The following CSMD1 variants were observed in gnomAD, a reference collection of about 807,000 sequenced individuals.
CSMD1 encodes the protein CUB and Sushi multiple domains 1, also known as CUB and sushi domain-containing protein 1.
CSMD1 carries 213 observed loss-of-function variants against 417.5 expected under a neutral mutation model. The observed-to-expected ratio is 0.51, with a 90% CI of 0.46 to 0.57. The LOEUF is 0.57. CSMD1 is among the 20% of genes least tolerant of loss of function. CSMD1 has a pLI of 0.00. For synonymous variants in CSMD1, 2,862 were observed against 1,736.8 expected, an observed-to-expected ratio of 1.65 and a Z score of -16.11; for missense variants, 6,923 against 4,529.7, an observed-to-expected ratio of 1.53 and a Z score of -15.17.
At chr8:4,374,447 T>C (rs1036961871) in intron 3 of CSMD1, among the ~76,000 whole-genome samples, 8 of 152,142 alleles carry the variant, frequency 5.3e-5, no homozygotes, top group African/African-American at 1.4e-4. Context: ...AATGGAACTT[T>C]ATCTGTCCTA....
intron 2 of CSMD1, among the ~76,000 whole-genome samples, chr8:4,506,832 T>C (rs1802550739): frequency 6.6e-6 from 1 of 152,242 alleles, no homozygotes; most frequent in Admixed American, 6.5e-5. Context: ...TAAATTAGGA[T>C]AGAAATCCAT....
intron 5 of CSMD1, among the ~76,000 whole-genome samples, chr8:3,870,776 A>G (rs2129112250): frequency 6.6e-6 from 1 of 152,262 alleles, no homozygotes; most frequent in African/African-American, 2.4e-5. Flanking sequence ...TATTAATTAG[A>G]GCTACTCAGG....
intron 1 of CSMD1, among the ~76,000 whole-genome samples, chr8:4,713,852 G>A (rs1563200576): frequency 6.6e-6 from 1 of 152,252 alleles, no homozygotes; most frequent in Non-Finnish European, 1.5e-5. Context: ...CCTATCTTTT[G>A]AAGATGGGCA....
intron 54 of CSMD1, 73 bp from the exon 55 acceptor site, chr8:2,978,873 G>C: frequency 7.7e-7 from 1 of 1,294,602 alleles, no homozygotes; most frequent in South Asian, 1.7e-5. Context: ...AGAAATGAAG[G>C]CGAATTCCTC....
chr8:4,990,257 A>G (rs1223188055), intron 1 of CSMD1, among the ~76,000 whole-genome samples: 1 of 152,244 alleles, frequency 6.6e-6, no homozygotes, highest in Non-Finnish European at 1.5e-5. Flanking sequence ...TCCGCTGAAC[A>G]GTTCTGATTT....
chr8:4,595,294 G>C (rs955818861), intron 2 of CSMD1, among the ~76,000 whole-genome samples: 9 of 151,650 alleles, frequency 5.9e-5, no homozygotes, highest in African/African-American at 2.2e-4. Flanking sequence ...AAAAAGGAAA[G>C]AGTAGATAAA....
chr8:3,906,366 G>C (rs1247869591), intron 5 of CSMD1, among the ~76,000 whole-genome samples: 1 of 152,098 alleles, frequency 6.6e-6, no homozygotes, highest in Non-Finnish European at 1.5e-5. Flanking sequence ...GTCACCTATA[G>C]TATGGTCTAG....
chr8:4,184,587 T>A (rs961011932), intron 3 of CSMD1, among the ~76,000 whole-genome samples: 1 of 152,056 alleles, frequency 6.6e-6, no homozygotes, highest in Admixed American at 6.6e-5. Context: ...TGTAGACCAT[T>A]ATCTTTAGCA....
intron 2 of CSMD1, among the ~76,000 whole-genome samples, chr8:4,510,357 T>C (rs1802747232): frequency 7.6e-6 from 1 of 131,902 alleles, no homozygotes; most frequent in African/African-American, 3.0e-5. Flanking sequence ...GGTATTCTTA[T>C]ATTTTTTGTA....
intron 3 of CSMD1, among the ~76,000 whole-genome samples, chr8:4,236,039 GTTTTTTTTTTTTTT>G (rs869245155): frequency 3.8e-4 from 12 of 31,686 alleles, no homozygotes; most frequent in African/African-American, 8.2e-4. Flanking sequence ...TTTTTTGTTT[GTTTTTTTTTTTTTT>G]TTTTTTTTTT....
chr8:4,264,355 T>G lies in CSMD1; in HGVS notation c.415+155598A>C, dbSNP rs540744363. ...AAAAATACTCATTCAGAATAAGAGC[T>G]CCTGTCTTTCCACTTTTTAGAAGAT... On this transcript the variant is annotated intron_variant, in intron 3 of 69. Coordinates refer to ENST00000635120, the MANE Select transcript of CSMD1 (RefSeq NM_033225.6). Among the ~76,000 whole-genome samples, 301 of 152,310 alleles carry G rather than the reference T, an allele frequency of 2.0e-3. 1 individual carries two copies. The highest frequency in any genetic ancestry group is 7.0e-3 in the African/African-American group (290 of 41,586).
At chr8:4,822,387 C>A (rs945159161) in intron 1 of CSMD1, among the ~76,000 whole-genome samples, 1 of 152,062 alleles carries the variant, frequency 6.6e-6, no homozygotes, top group Admixed American at 6.6e-5. Context: ...TTGACCTCAA[C>A]TGGCCTAGTT....
chr8:3,498,459 G>T (rs935355362), intron 10 of CSMD1, among the ~76,000 whole-genome samples: 3 of 152,174 alleles, frequency 2.0e-5, no homozygotes, highest in Admixed American at 6.5e-5. Context: ...TTGATAGTTT[G>T]ATTATAATGC....
chr8:4,087,583 A>G (rs1471254408), intron 3 of CSMD1, among the ~76,000 whole-genome samples: 1 of 152,038 alleles, frequency 6.6e-6, no homozygotes, highest in Non-Finnish European at 1.5e-5. Flanking sequence ...TGATTTCATT[A>G]TCTGTCTAAC....
At chr8:4,253,992 C>A (rs1363654527) in intron 3 of CSMD1, among the ~76,000 whole-genome samples, 1 of 137,158 alleles carries the variant, frequency 7.3e-6, no homozygotes, top group Non-Finnish European at 1.5e-5. Flanking sequence ...TCTCGGCTCA[C>A]TGCAAGCTCT....
At chr8:4,812,603 T>TA (rs201064068) in intron 1 of CSMD1, among the ~76,000 whole-genome samples, 1,983 of 151,330 alleles carry the variant, frequency 0.013, 46 homozygotes, top group African/African-American at 0.044. Flanking sequence ...CAAGCTTTTT[T>TA]TAAAAAAACC....
chr8:4,337,318 T>G (rs1393014297), intron 3 of CSMD1, among the ~76,000 whole-genome samples: 6 of 152,070 alleles, frequency 3.9e-5, no homozygotes, highest in African/African-American at 9.7e-5. Flanking sequence ...AGATCAAAAT[T>G]TCTCCCAGTT....
At chr8:3,693,167 G>A (rs771281404) in intron 7 of CSMD1, among the ~76,000 whole-genome samples, 1 of 152,182 alleles carries the variant, frequency 6.6e-6, no homozygotes, top group Non-Finnish European at 1.5e-5. Context: ...TTGCTATAGT[G>A]AGTAAAATTG....
chr8:4,994,108 G>A (rs1223412598), intron 1 of CSMD1, among the ~76,000 whole-genome samples: 2 of 152,082 alleles, frequency 1.3e-5, no homozygotes, highest in Non-Finnish European at 2.9e-5. Context: ...GAGCCCAAGA[G>A]AGGGGGAAGG....
Sources: allele counts gnomAD v4.1 joint callset (sites outside exome capture counted in the v4.1 genomes callset), GRCh38; gene constraint gnomAD v4.1.1; transcripts MANE v1.5; gene names NCBI Gene and HGNC (gene_info 2026-07-23, HGNC 2026-07-21).